The following CELF2 variants were observed in gnomAD, a reference collection of about 807,000 sequenced individuals.
The protein encoded by CELF2 is CUGBP Elav-like family member 2, also known as CUG triplet repeat RNA-binding protein 2.
In CELF2, 8 loss-of-function variants were observed where a neutral mutation model predicts 62.6. The ratio of observed to expected loss-of-function variants is 0.13; its 90% CI spans 0.07 to 0.23. The LOEUF is 0.23. Among genes scored for constraint, CELF2 ranks in the 10% least tolerant of loss-of-function variants. The pLI, the probability that CELF2 is intolerant of heterozygous loss-of-function variation, is 1.00. For synonymous variants in CELF2, 258 were observed against 250.0 expected, an observed-to-expected ratio of 1.03 and a Z score of -0.30; for missense variants, 333 against 671.0, an observed-to-expected ratio of 0.50 and a Z score of 5.56.
intron 1 of CELF2, among the ~76,000 whole-genome samples, chr10:10,872,674 C>CAACA (rs1564748316): frequency 6.6e-6 from 1 of 151,302 alleles, no homozygotes; most frequent in African/African-American, 2.4e-5. Flanking sequence ...ACAACAACAA[C>CAACA]AAAAAACTGC....
chr10:10,537,837 A>G, the CELF2 span, among the ~76,000 whole-genome samples: 1 of 152,194 alleles, frequency 6.6e-6, no homozygotes, highest in African/African-American at 2.4e-5. Context: ...TTACAGGTGC[A>G]TAATCGACCC....
At chr10:10,758,886 A>G in the CELF2 span, among the ~76,000 whole-genome samples, 1 of 152,158 alleles carries the variant, frequency 6.6e-6, no homozygotes, top group Non-Finnish European at 1.5e-5. Flanking sequence ...GTGTTTCTTT[A>G]AGATCAATAC....
the CELF2 span, among the ~76,000 whole-genome samples, chr10:10,766,260 T>C: frequency 1.3e-5 from 2 of 152,182 alleles, no homozygotes; most frequent in Non-Finnish European, 2.9e-5. Context: ...GAGCTGTGCC[T>C]TAGCTGAGTC....
chr10:10,636,069 C>G, the CELF2 span, among the ~76,000 whole-genome samples: 3 of 152,138 alleles, frequency 2.0e-5, no homozygotes, highest in African/African-American at 7.2e-5. Flanking sequence ...TATCAAATAA[C>G]TTAAGGAATG....
In CELF2 at chr10:10,879,121, A is replaced by AT. The variant is rs577887430; in HGVS notation, c.54-40842dup. On this transcript the variant is annotated intron_variant, in intron 1 of 13. Transcript: ENST00000636488. ...AGGGAGTTATCCTTTAGGTAATCAA[A>AT]TGAAAACAGTTAATTCCAAGCCTGC... is the stretch of plus-strand genomic sequence containing the variant. Among the ~76,000 whole-genome samples, 64 of 152,326 alleles carry AT rather than the reference A, an allele frequency of 4.2e-4. 1 individual carries two copies. In the South Asian group the frequency reaches 0.013, roughly 30 times the overall value.
chr10:10,882,310 C>T (rs929669214), intron 1 of CELF2, among the ~76,000 whole-genome samples: 8 of 152,192 alleles, frequency 5.3e-5, no homozygotes, highest in Non-Finnish European at 1.0e-4. Context: ...GGCAGTGAAT[C>T]CCCGGAGTGG....
At chr10:11,032,860 A>G (rs1207326461) in intron 1 of CELF2, among the ~76,000 whole-genome samples, 1 of 152,190 alleles carries the variant, frequency 6.6e-6, no homozygotes, top group African/African-American at 2.4e-5. Context: ...TGAACAGTTA[A>G]TGTATATATA....
At position 11,265,755 on chromosome 10, in the gene CELF2, A is replaced by G. The variant is rs562807774; in HGVS notation, c.539-843A>G. ...AGTCTAGTTATTTTACAGCACAAGA[A>G]AAAACAGGCACGGAAAGTTTCACTG... On this transcript the variant is annotated intron_variant, in intron 5 of 12. Transcript: ENST00000633077. Among the ~76,000 whole-genome samples the G allele has an allele frequency of 3.6e-4, 55 of 152,358 alleles. 1 individual carries two copies. Among genetic ancestry groups the G allele is most frequent in the African/African-American group, 1.3e-3 (54 of 41,590 alleles).
intron 1 of CELF2, chr10:11,030,720 G>T (rs1182392673): frequency 6.6e-6 from 1 of 152,280 alleles, no homozygotes; most frequent in Non-Finnish European, 1.5e-5. Flanking sequence ...AGCTGAATAT[G>T]TGGGTTTTGA....
At chr10:11,119,981 G>A (rs577108488) in intron 1 of CELF2, among the ~76,000 whole-genome samples, 7 of 151,136 alleles carry the variant, frequency 4.6e-5, no homozygotes, top group Non-Finnish European at 8.8e-5. Context: ...TGCAACTTCC[G>A]CCACAACCCA....
intron 1 of CELF2, among the ~76,000 whole-genome samples, chr10:10,913,543 A>G (rs988857187): frequency 1.5e-5 from 2 of 137,590 alleles, no homozygotes; most frequent in African/African-American, 3.2e-5. Context: ...GGCATGTGCC[A>G]CTACGCCCAG....
chr10:10,481,272 A>G, the CELF2 span, among the ~76,000 whole-genome samples: 9 of 152,230 alleles, frequency 5.9e-5, no homozygotes, highest in African/African-American at 2.2e-4. Context: ...TTTCATGTTT[A>G]TTTGCATGCT....
intron 2 of CELF2, among the ~76,000 whole-genome samples, chr10:11,192,063 G>A (rs911914986): frequency 6.6e-6 from 1 of 152,206 alleles, no homozygotes; most frequent in South Asian, 2.1e-4. Flanking sequence ...CCCTTCCTGA[G>A]CACACTCATC....
chr10:10,675,347 G>A, the CELF2 span, among the ~76,000 whole-genome samples: 2 of 152,100 alleles, frequency 1.3e-5, no homozygotes, highest in East Asian at 3.9e-4. Context: ...AGAAGTCAGA[G>A]GTGAATCTTT....
At chr10:10,923,439 C>T (rs2065111724) in intron 2 of CELF2, among the ~76,000 whole-genome samples, 1 of 152,280 alleles carries the variant, frequency 6.6e-6, no homozygotes, top group African/African-American at 2.4e-5. Context: ...TAAAGCACTC[C>T]GGCCACTGGT....
chr10:11,276,226 G>T, intron 8 of CELF2, among the ~76,000 whole-genome samples: 1 of 152,032 alleles, frequency 6.6e-6, no homozygotes, highest in East Asian at 1.9e-4. Flanking sequence ...GTGATCGGCA[G>T]CCCCGCCGTT....
the CELF2 span, among the ~76,000 whole-genome samples, chr10:10,613,142 T>G: frequency 0.033 from 15 of 456 alleles, no homozygotes; most frequent in South Asian, 0.1. Context: ...AGTAGAGGGT[T>G]TTTTTTTCCT....
chr10:10,653,196 G>A, the CELF2 span, among the ~76,000 whole-genome samples: 26 of 152,258 alleles, frequency 1.7e-4, 1 homozygote, highest in South Asian at 2.1e-3. Context: ...ACCCAATACA[G>A]GGGAACCAAG....
upstream of CELF2, among the ~76,000 whole-genome samples, chr10:11,013,248 A>T (rs972075400): frequency 6.6e-6 from 1 of 152,188 alleles, no homozygotes; most frequent in Non-Finnish European, 1.5e-5. This position sits in a 1 kb window ranked among gnomAD's most constrained non-coding sequence, Gnocchi z 4.1. Context: ...GAGAGAGAGG[A>T]GGAGAAAAGG....
Sources: allele counts gnomAD v4.1 joint callset (sites outside exome capture counted in the v4.1 genomes callset), GRCh38; gene constraint gnomAD v4.1.1; non-coding constraint Gnocchi (gnomAD v3.1); transcripts MANE v1.5; gene names NCBI Gene and HGNC (gene_info 2026-07-23, HGNC 2026-07-21).